PUDP: variants seen among roughly 807,000 people sequenced by gnomAD.
PUDP encodes pseudouridine 5'-phosphatase, also known as pseudouridine-5'-phosphatase.
In PUDP, 8 loss-of-function variants were observed where a neutral mutation model predicts 9.4. That is an observed-to-expected ratio of 0.85 (90% CI 0.50 to 1.53). The LOEUF is 1.53. Among genes scored for constraint, PUDP ranks in the 40% most tolerant of loss-of-function variants. The pLI, the probability that PUDP is intolerant of heterozygous loss-of-function variation, is 0.00. For missense variants in PUDP, 188 were observed against 189.7 expected (o/e 0.99, Z 0.05); for synonymous variants, 99 against 80.7 (o/e 1.23, Z -1.22).
At chrX:6,802,018 G>A (rs1925942819) in intron 3 of PUDP, among the ~76,000 whole-genome samples, 1 of 111,766 alleles carries the variant, frequency 8.9e-6, no homozygotes, top group Admixed American at 9.5e-5. Flanking sequence ...CCTATGATGA[G>A]CAAAAGACCA....
At chrX:6,763,200 C>T (rs1268882363) in intron 3 of PUDP, among the ~76,000 whole-genome samples, 1 of 112,121 alleles carries the variant, frequency 8.9e-6, no homozygotes, top group African/African-American at 3.2e-5. Flanking sequence ...ACCAGTCTGG[C>T]CAACATGGCG....
At chrX:7,116,917 C>G in intron 1 of PUDP, 1 of 1,161,093 alleles carries the variant, frequency 8.6e-7, no homozygotes, top group Non-Finnish European at 1.1e-6. Context: ...CCCCCCAACT[C>G]TCTCTCTGGC....
At chrX:6,749,520 T>C (rs145498182) in intron 3 of PUDP, among the ~76,000 whole-genome samples, 1,506 of 111,417 alleles carry the variant, frequency 0.014, 24 homozygotes, top group African/African-American at 0.046. Flanking sequence ...GATGGAGAAT[T>C]ATCCAGAGAG....
At chrX:6,895,260 TTGTA>T (rs72565131) in intron 3 of PUDP, among the ~76,000 whole-genome samples, 5,208 of 107,039 alleles carry the variant, frequency 0.049, 139 homozygotes, top group East Asian at 0.15. Flanking sequence ...TTCATATTTA[TTGTA>T]TGTAATTACT....
intron 3 of PUDP, among the ~76,000 whole-genome samples, chrX:6,740,803 C>T (rs1924926543): frequency 1.8e-5 from 2 of 111,674 alleles, no homozygotes; most frequent in South Asian, 7.5e-4. Flanking sequence ...GACATCTTAT[C>T]AACGAGTTCT....
chrX:6,786,662 C>T (rs1204518757), intron 3 of PUDP, among the ~76,000 whole-genome samples: 1 of 111,511 alleles, frequency 9.0e-6, no homozygotes, highest in Non-Finnish European at 1.9e-5. Context: ...TTCTGAGCAT[C>T]AGATTAAACT....
At chrX:7,003,381 G>A (rs759054913) in intron 1 of PUDP, among the ~76,000 whole-genome samples, 1 of 111,372 alleles carries the variant, frequency 9.0e-6, no homozygotes, top group Admixed American at 9.5e-5. Context: ...ATGACATTCT[G>A]TGACTCAAGG....
intron 3 of PUDP, among the ~76,000 whole-genome samples, chrX:6,954,088 G>A (rs189797945): frequency 6.3e-4 from 69 of 110,187 alleles, no homozygotes; most frequent in African/African-American, 2.2e-3. Context: ...TCTACCATGA[G>A]TGTAAGTTTC....
chrX:6,727,038 G>A (rs899555131), intron 3 of PUDP, among the ~76,000 whole-genome samples: 9 of 111,413 alleles, frequency 8.1e-5, no homozygotes, highest in East Asian at 5.6e-4. Context: ...GATAAATTAC[G>A]ATTATGTAGT....
chrX:6,959,449 G>A (rs1245192130), intron 3 of PUDP, among the ~76,000 whole-genome samples: 1 of 112,196 alleles, frequency 8.9e-6, no homozygotes, highest in Non-Finnish European at 1.9e-5. Flanking sequence ...GAACCTTGGT[G>A]GTGTCCACGT....
At position 6,910,345 on chromosome X, in the gene PUDP, C is replaced by T. The variant is rs567158546; in HGVS notation, c.*247+66788G>A. Among the ~76,000 whole-genome samples the T allele has an allele frequency of 3.0e-4, 34 of 112,030 alleles. No individual in the cohort carries two copies. In the South Asian group the frequency reaches 5.7e-3, roughly 19 times the overall value. ...TTGGCCCTGTTCATCAGACACTATT[C>T]CAACCTCCTTCATGCAGTAGTGAGT... is the stretch of plus-strand genomic sequence containing the variant. On this transcript the variant is annotated intron_variant and NMD_transcript_variant, in intron 3 of 3. Coordinates refer to the PUDP transcript ENST00000655425.
chrX:6,768,053 T>C (rs12009379), intron 3 of PUDP, among the ~76,000 whole-genome samples: 19,556 of 111,014 alleles, frequency 0.18, 1,737 homozygotes, highest in African/African-American at 0.34. Flanking sequence ...CAGACTTCAA[T>C]TGGACAAAGT....
intron 3 of PUDP, among the ~76,000 whole-genome samples, chrX:6,781,960 C>T (rs1035445100): frequency 5.3e-5 from 6 of 112,244 alleles, no homozygotes; most frequent in African/African-American, 1.9e-4. Context: ...ATTTGGCAAA[C>T]CTGGTGAAGA....
At chrX:7,086,530 C>T (rs991447372) in intron 2 of PUDP, among the ~76,000 whole-genome samples, 2 of 112,011 alleles carry the variant, frequency 1.8e-5, no homozygotes, top group Admixed American at 9.5e-5. Flanking sequence ...TGTGAGTGGG[C>T]GTCTCTTAAT....
intron 3 of PUDP, among the ~76,000 whole-genome samples, chrX:6,808,422 G>A (rs1174261155): frequency 1.8e-5 from 2 of 111,961 alleles, no homozygotes; most frequent in African/African-American, 6.5e-5. Context: ...ATTAGAGCCT[G>A]CAGGAATGTA....
At chrX:6,871,092 A>G (rs780350436) in intron 3 of PUDP, among the ~76,000 whole-genome samples, 8 of 112,217 alleles carry the variant, frequency 7.1e-5, no homozygotes, top group African/African-American at 1.9e-4. Context: ...TCAGCCTCCC[A>G]AAGAAATTGC....
intron 3 of PUDP, among the ~76,000 whole-genome samples, chrX:6,902,973 A>G (rs971142813): frequency 7.2e-5 from 8 of 111,698 alleles, no homozygotes; most frequent in African/African-American, 2.6e-4. Flanking sequence ...CAATGTCAGT[A>G]ATAGCTGTCC....
intron 1 of PUDP, among the ~76,000 whole-genome samples, chrX:6,714,879 G>A (rs1293754576): frequency 1.8e-5 from 2 of 110,816 alleles, no homozygotes; most frequent in Non-Finnish European, 3.8e-5. Context: ...CAGAACTTAT[G>A]TGTCCTAAAT....
intron 1 of PUDP, among the ~76,000 whole-genome samples, chrX:6,979,826 C>A (rs1929007055): frequency 9.0e-6 from 1 of 110,955 alleles, no homozygotes; most frequent in Admixed American, 9.5e-5. Flanking sequence ...ATTGTCAAAG[C>A]AATTCTTTAA....
Sources: allele counts gnomAD v4.1 joint callset (sites outside exome capture counted in the v4.1 genomes callset), GRCh38; gene constraint gnomAD v4.1.1; transcripts MANE v1.5; gene names NCBI Gene and HGNC (gene_info 2026-07-23, HGNC 2026-07-21).